The following COL19A1 variants were observed in gnomAD, a reference collection of about 807,000 sequenced individuals.
COL19A1 encodes collagen alpha-1(XIX) chain.
Under a neutral mutation model 190.2 loss-of-function variants are expected in COL19A1, and 159 were observed. The observed-to-expected ratio is 0.84, with a 90% CI of 0.73 to 0.95. The LOEUF is 0.95. Ranked by LOEUF, COL19A1 falls within the 40% of genes least tolerant of loss-of-function variation. The pLI is 0.00. For missense variants in COL19A1, 1,418 were observed against 1,431.9 expected, an observed-to-expected ratio of 0.99 and a Z score of 0.16; for synonymous variants, 509 against 458.9, an observed-to-expected ratio of 1.11 and a Z score of -1.39.
chr6:69,890,218 T>C (rs1336965622), intron 2 of COL19A1: 2 of 152,372 alleles, frequency 1.3e-5, no homozygotes, highest in East Asian at 3.9e-4. Context: ...CCAAATGTAC[T>C]TCACAGCCCT....
At chr6:69,936,969 T>TC in intron 8 of COL19A1, 59 bp downstream of exon 8, 1 of 1,583,858 alleles carries the variant, frequency 6.3e-7, no homozygotes. Flanking sequence ...GCCCAGCTCC[T>TC]TGAATGTGGC....
At chr6:70,090,755 C>T (rs559402468) in intron 15 of COL19A1, among the ~76,000 whole-genome samples, 5 of 152,278 alleles carry the variant, frequency 3.3e-5, no homozygotes, top group Admixed American at 6.5e-5. Flanking sequence ...GACGAAACTC[C>T]TAACGGCTTC....
chr6:70,027,878 A>T (rs1398766686), intron 12 of COL19A1, among the ~76,000 whole-genome samples: 1 of 152,166 alleles, frequency 6.6e-6, no homozygotes, highest in African/African-American at 2.4e-5. Context: ...CTTTAAAGCC[A>T]GACTATCTGG....
At position 70,026,363 on chromosome 6, in the gene COL19A1, A is replaced by T. The variant is rs563718547; in HGVS notation, c.1080+2683A>T. 1.6e-4 allele frequency among the ~76,000 whole-genome samples: 24 copies of T among 152,334 alleles called. No individual in the cohort carries two copies. The South Asian group carries it at 5.0e-3, about 32-fold the overall frequency. On this transcript the variant is annotated intron_variant, in intron 12 of 50. Coordinates refer to ENST00000620364, the MANE Select transcript of COL19A1 (RefSeq NM_001858.6). ...ACTGAGAGATCCCAAAGGCCTAGTGAGCAGTGTGAATGTCTATCCCTTTGA... is the reference window on the plus strand; with the variant it reads ...ACTGAGAGATCCCAAAGGCCTAGTGTGCAGTGTGAATGTCTATCCCTTTGA...
rs57476469 is a variant in COL19A1, at chr6:70,035,719, A to G, written c.1135-185A>G. On this transcript the variant is annotated intron_variant, in intron 13 of 50. Coordinates refer to ENST00000620364, the MANE Select transcript of COL19A1 (RefSeq NM_001858.6). ...GCATAGAGTATACAAGGTGATTTTT[A>G]TATCATGAAAGCTAAAAGGGACATG... Among the ~76,000 whole-genome samples the G allele has an allele frequency of 6.4e-3, 968 of 152,328 alleles. 11 individuals carry two copies. Among genetic ancestry groups the G allele is most frequent in the African/African-American group, 0.021 (882 of 41,576 alleles).
intron 28 of COL19A1, 44 bp downstream of exon 28, chr6:70,149,783 C>T: frequency 6.2e-7 from 1 of 1,613,492 alleles, no homozygotes; most frequent in South Asian, 1.1e-5. Flanking sequence ...AGCCAGCTTG[C>T]TTACTTGGGG....
chr6:70,131,323 T>C, intron 18 of COL19A1: 1 of 201,000 alleles, frequency 5.0e-6, no homozygotes, highest in Non-Finnish European at 1.0e-5. Flanking sequence ...CAAGAAAATA[T>C]GACTTCTGTG....
intron 6 of COL19A1, among the ~76,000 whole-genome samples, chr6:69,932,123 A>G (rs1401055728): frequency 1.3e-5 from 2 of 152,068 alleles, no homozygotes; most frequent in African/African-American, 4.8e-5. Flanking sequence ...ATTTAAAGGC[A>G]TGATTTTACT....
At chr6:69,914,583 T>G (rs1011047619) in intron 4 of COL19A1, among the ~76,000 whole-genome samples, 8 of 152,178 alleles carry the variant, frequency 5.3e-5, no homozygotes, top group African/African-American at 1.9e-4. Flanking sequence ...AAAAATCGAT[T>G]TTTTTCCATT....
intron 11 of COL19A1, among the ~76,000 whole-genome samples, chr6:69,963,413 A>G (rs1774915364): frequency 6.6e-6 from 1 of 152,232 alleles, no homozygotes; most frequent in Admixed American, 6.5e-5. Context: ...GTCAGGTTAC[A>G]GCAGACCTCT....
intron 44 of COL19A1, 50 bp from the exon 45 acceptor site, chr6:70,184,653 T>A: frequency 1.4e-6 from 2 of 1,434,056 alleles, no homozygotes; most frequent in Non-Finnish European, 1.9e-6. Context: ...TTGTTGTGTT[T>A]AACTATGTTA....
chr6:70,094,143 G>A (rs1382029704), intron 15 of COL19A1, among the ~76,000 whole-genome samples: 1 of 152,232 alleles, frequency 6.6e-6, no homozygotes, highest in East Asian at 1.9e-4. Flanking sequence ...AACATATTAT[G>A]TCTTCCTCAG....
chr6:70,106,395 A>G (rs1783968381), intron 16 of COL19A1, among the ~76,000 whole-genome samples: 1 of 151,806 alleles, frequency 6.6e-6, no homozygotes, highest in African/African-American at 2.4e-5. Context: ...GAGACATTAT[A>G]TCTCCTAGGG....
chr6:69,972,338 T>A (rs1461765683), intron 11 of COL19A1, among the ~76,000 whole-genome samples: 1 of 152,188 alleles, frequency 6.6e-6, no homozygotes, highest in Admixed American at 6.5e-5. Flanking sequence ...GGCATGAGGA[T>A]TTTGTTTGTC....
chr6:69,879,146 T>A (rs926975310), intron 1 of COL19A1, among the ~76,000 whole-genome samples: 1 of 152,148 alleles, frequency 6.6e-6, no homozygotes, highest in Admixed American at 6.5e-5. Flanking sequence ...CAATATAAAT[T>A]TATTTAATTC....
intron 12 of COL19A1, among the ~76,000 whole-genome samples, chr6:70,028,804 G>A (rs1300526532): frequency 1.3e-5 from 2 of 151,994 alleles, no homozygotes; most frequent in Non-Finnish European, 2.9e-5. Flanking sequence ...AGATTAAAGG[G>A]ACTATCATAC....
At chr6:69,888,294 C>A (rs978178792) in intron 2 of COL19A1, among the ~76,000 whole-genome samples, 1 of 152,046 alleles carries the variant, frequency 6.6e-6, no homozygotes, top group Non-Finnish European at 1.5e-5. Flanking sequence ...CACAGGGAGA[C>A]GGAGGCCAAA....
At chr6:70,053,840 T>A (rs149556985) in intron 14 of COL19A1, among the ~76,000 whole-genome samples, 17 of 152,304 alleles carry the variant, frequency 1.1e-4, no homozygotes, top group Non-Finnish European at 2.1e-4. Context: ...ATTTAGTGCA[T>A]GTATTACCAA....
At chr6:69,943,520 C>G (rs910711780) in intron 9 of COL19A1, among the ~76,000 whole-genome samples, 1 of 152,116 alleles carries the variant, frequency 6.6e-6, no homozygotes, top group Admixed American at 6.6e-5. Context: ...CATTTTCCCC[C>G]AGAAGATTCA....
Sources: gnomAD v4.1 joint callset for allele counts (sites outside exome capture counted in the v4.1 genomes callset) on GRCh38, gnomAD v4.1.1 for gene constraint, MANE v1.5 for transcripts, NCBI Gene and HGNC (gene_info 2026-07-23, HGNC 2026-07-21) for gene names.